BICD2: variants seen among roughly 807,000 people sequenced by gnomAD.
BICD2 encodes BICD cargo adaptor 2.
In BICD2, 25 loss-of-function variants were observed where a neutral mutation model predicts 72.9. That is an observed-to-expected ratio of 0.34 (90% CI 0.25 to 0.48). BICD2 has a LOEUF of 0.48. Among genes scored for constraint, BICD2 ranks in the 20% least tolerant of loss-of-function variants. The pLI is 0.99. For missense variants in BICD2, 894 were observed against 1,175.2 expected (o/e 0.76, Z 3.50); for synonymous variants, 501 against 516.1 (o/e 0.97, Z 0.40).
Position 92,715,474 on chromosome 9 carries a change from C to A in BICD2, c.2259-11G>T. The A allele has an allele frequency of 1.3e-6, 2 of 1,567,328 alleles. No individual in the cohort carries two copies. The highest frequency in any genetic ancestry group is 1.2e-5 in the South Asian group (1 of 85,234). ...ATGTACTCGTCACACCTGTGGGTAC[C>A]AAAAACATGACTGAGGGGCGGGCAG... is the stretch of plus-strand genomic sequence containing the variant. On this transcript the variant is annotated splice_polypyrimidine_tract_variant and intron_variant, in intron 6 of 6. Transcript: ENST00000356884.
In BICD2 at chr9:92,713,330, C is replaced by CA; in HGVS notation, c.*1823dup. 1 of 1,000,630 alleles carries CA rather than the reference C, an allele frequency of 1.0e-6. No homozygotes were observed. The highest frequency in any genetic ancestry group is 1.4e-5 in the South Asian group (1 of 69,812). 62.0% of individuals were successfully genotyped at this position (1,000,630 alleles called of 1,614,324 possible). A position where few individuals can be genotyped will look rare whatever the true frequency, so the allele number is the denominator to read the frequency against. ...GCTATTTTGAAAAGAATTGCAGTGG[C>CA]ATATCCAAAAAGTTTCTAAGTGGGC... is the stretch of plus-strand genomic sequence containing the variant. On this transcript the variant is annotated 3_prime_UTR_variant, in exon 7 of 7. Coordinates refer to ENST00000356884, the MANE Select transcript of BICD2 (RefSeq NM_001003800.2).
chr9:92,741,451 T>C (rs1853895819), intron 1 of BICD2, among the ~76,000 whole-genome samples: 1 of 152,262 alleles, frequency 6.6e-6, no homozygotes, highest in Non-Finnish European at 1.5e-5. Flanking sequence ...TGAGGCAAAC[T>C]ACCAATATTT....
At position 92,720,525 on chromosome 9, in the gene BICD2, C is replaced by A. The variant is rs141444039; in HGVS notation, c.837G>T (p.Ser279=). The change falls in exon 4 of 7, where the codon TCG becomes TCT. Residue 279 remains serine (S), a synonymous_variant. Coordinates refer to ENST00000356884, the MANE Select transcript of BICD2 (RefSeq NM_001003800.2). The surrounding 1 kb of genome is among the most constrained non-coding windows in gnomAD (Gnocchi z 5.4). The part of the protein sequence containing the change: ...DSFYTSHLHV[S]LDGLKFSDDA... The stretch of plus-strand genomic sequence containing the variant: ...CGTCACTGAACTTGAGGCCATCCAG[C>A]GAGACATGCAGGTGGCTGGTGTAGA... 3.1e-6 allele frequency: 5 copies of A among 1,614,210 alleles called. No homozygotes were observed. Among genetic ancestry groups the A allele is most frequent in the Non-Finnish European group, 4.2e-6 (5 of 1,180,034 alleles).
chr9:92,752,791 A>G (rs1854177081), intron 1 of BICD2, among the ~76,000 whole-genome samples: 1 of 152,198 alleles, frequency 6.6e-6, no homozygotes, highest in African/African-American at 2.4e-5. Context: ...TCATGAGTCT[A>G]CATTGATATA....
chr9:92,730,076 T>A (rs559073424), intron 1 of BICD2, among the ~76,000 whole-genome samples: 1 of 152,214 alleles, frequency 6.6e-6, no homozygotes, highest in African/African-American at 2.4e-5. Context: ...GCAGGTGCCA[T>A]CCCTCTCCTT....
At chr9:92,750,719 C>T (rs937916646) in intron 1 of BICD2, among the ~76,000 whole-genome samples, 7 of 151,604 alleles carry the variant, frequency 4.6e-5, no homozygotes, top group African/African-American at 1.5e-4. Flanking sequence ...TAGATAAATG[C>T]CACTGCATTT....
intron 1 of BICD2, among the ~76,000 whole-genome samples, chr9:92,758,070 G>T (rs978292107): frequency 6.6e-6 from 1 of 151,978 alleles, no homozygotes. Context: ...CGGGCGTGGT[G>T]GTGGGCTCCT....
chr9:92,727,669 G>A (rs1468698018), intron 2 of BICD2, among the ~76,000 whole-genome samples: 1 of 152,180 alleles, frequency 6.6e-6, no homozygotes, highest in Non-Finnish European at 1.5e-5. Flanking sequence ...CTTGGTGATG[G>A]GGCCTCATCC....
chr9:92,748,842 T>G (rs1282521523), intron 1 of BICD2, among the ~76,000 whole-genome samples: 1 of 152,116 alleles, frequency 6.6e-6, no homozygotes, highest in East Asian at 1.9e-4. Flanking sequence ...AAGTAAAAAC[T>G]TTTATTGTTC....
chr9:92,716,925 C>T (rs1564058692), intron 6 of BICD2, among the ~76,000 whole-genome samples: 1 of 152,204 alleles, frequency 6.6e-6, no homozygotes, highest in Admixed American at 6.5e-5. Flanking sequence ...CAAGCCCCGG[C>T]CCTCTCCTCA....
In BICD2 at chr9:92,712,083, T is replaced by A. The variant is rs1587663864; in HGVS notation, c.*3071A>T. On this transcript the variant is annotated 3_prime_UTR_variant, in exon 7 of 7. Coordinates refer to ENST00000356884, the MANE Select transcript of BICD2 (RefSeq NM_001003800.2). ...ACTATGGCTAACCCTCATCCCCTAC[T>A]GCGCATGCCAACACAGCGTCGGCCC... 1 of 152,654 alleles carries A rather than the reference T, an allele frequency of 6.6e-6. No homozygotes were observed. Among genetic ancestry groups the A allele is most frequent in the African/African-American group, 2.4e-5 (1 of 41,470 alleles). The allele number at this position is 152,654 out of a possible 1,614,324, so 9.5% of individuals were successfully genotyped here.
chr9:92,727,589 C>T (rs1226190913), intron 2 of BICD2, among the ~76,000 whole-genome samples: 2 of 152,220 alleles, frequency 1.3e-5, no homozygotes, highest in Admixed American at 1.3e-4. Flanking sequence ...AGGCCACGGC[C>T]AGGAGGACTG....
intron 2 of BICD2, among the ~76,000 whole-genome samples, chr9:92,725,590 C>T (rs140166884): frequency 3.3e-5 from 5 of 152,240 alleles, no homozygotes; most frequent in Admixed American, 6.5e-5. Flanking sequence ...AGCTCTGCTG[C>T]GTGTGACTGG....
chr9:92,728,675 CGAG>C (rs919032369), intron 2 of BICD2, among the ~76,000 whole-genome samples: 7 of 152,236 alleles, frequency 4.6e-5, no homozygotes, highest in Non-Finnish European at 1.0e-4. Context: ...AGTCCAATGA[CGAG>C]GAGTGCCCCA....
In BICD2 at chr9:92,713,955, C is replaced by T; in HGVS notation, c.*1199G>A. 1.0e-6 allele frequency: 1 copy of T among 989,480 alleles called. No homozygotes were observed. Among genetic ancestry groups the T allele is most frequent in the Non-Finnish European group, 1.2e-6 (1 of 832,338 alleles). The allele number at this position is 989,480 out of a possible 1,614,324, so 61.3% of individuals were successfully genotyped here. On this transcript the variant is annotated 3_prime_UTR_variant, in exon 7 of 7. Coordinates refer to ENST00000356884, the MANE Select transcript of BICD2 (RefSeq NM_001003800.2). Reference sequence around the variant, plus strand: ...GGAGAGAAGACTGCAGCCTCAGGTCCAGCTGGTCCCACAGGGTGATCGGGA... The same window carrying T: ...GGAGAGAAGACTGCAGCCTCAGGTCTAGCTGGTCCCACAGGGTGATCGGGA...
Position 92,764,447 on chromosome 9 carries a change from C to A in BICD2, c.240+58G>T. 1 of 1,423,162 alleles carries A rather than the reference C, an allele frequency of 7.0e-7. No homozygotes were observed. Among genetic ancestry groups the A allele is most frequent in the Non-Finnish European group, 9.2e-7 (1 of 1,085,154 alleles). The allele number at this position is 1,423,162 out of a possible 1,614,324, so 88.2% of individuals were successfully genotyped here. A position where few individuals can be genotyped will look rare whatever the true frequency, so the allele number is the denominator to read the frequency against. ...ACCTTGGCCGCCCTGGTGCCAGGGA[C>A]GACGCCCACAGGCCCCGGCGCCGGG... On this transcript the variant is annotated intron_variant, in intron 1 of 6. Coordinates refer to ENST00000356884, the MANE Select transcript of BICD2 (RefSeq NM_001003800.2). This position sits in a 1 kb window ranked among gnomAD's most constrained non-coding sequence, Gnocchi z 5.5.
intron 1 of BICD2, among the ~76,000 whole-genome samples, chr9:92,733,704 A>C (rs1379803098): frequency 6.6e-6 from 1 of 152,120 alleles, no homozygotes; most frequent in Admixed American, 6.5e-5. Flanking sequence ...GCGGTGGCTC[A>C]TGCTTGTAAT....
At chr9:92,733,518 A>T (rs376899388) in intron 1 of BICD2, among the ~76,000 whole-genome samples, 23 of 152,002 alleles carry the variant, frequency 1.5e-4, no homozygotes, top group African/African-American at 5.6e-4. Context: ...AACCTGGACG[A>T]CAGAGGAAAA....
chr9:92,764,459 GC>G lies in BICD2; in HGVS notation c.240+45del. On this transcript the variant is annotated intron_variant, in intron 1 of 6. Coordinates refer to ENST00000356884, the MANE Select transcript of BICD2 (RefSeq NM_001003800.2). The surrounding 1 kb of genome is among the most constrained non-coding windows in gnomAD (Gnocchi z 5.5). Reference sequence around the variant, plus strand: ...CTGGTGCCAGGGACGACGCCCACAGGCCCCGGCGCCGGGCGGGGGTCGCAGG... The same window carrying G: ...CTGGTGCCAGGGACGACGCCCACAGGCCCGGCGCCGGGCGGGGGTCGCAGG... The G allele has an allele frequency of 6.9e-7, 1 of 1,444,194 alleles. No individual in the cohort carries two copies. Among genetic ancestry groups the G allele is most frequent in the Non-Finnish European group, 9.2e-7 (1 of 1,092,168 alleles). The allele number at this position is 1,444,194 out of a possible 1,614,324, so 89.5% of individuals were successfully genotyped here.
Sources: gnomAD v4.1 joint callset for allele counts (sites outside exome capture counted in the v4.1 genomes callset) on GRCh38, gnomAD v4.1.1 for gene constraint, Gnocchi (gnomAD v3.1) non-coding constraint, MANE v1.5 for transcripts, NCBI Gene and HGNC (gene_info 2026-07-23, HGNC 2026-07-21) for gene names.